The following ADAM12 variants were observed in gnomAD, a reference collection of about 807,000 sequenced individuals.
The protein encoded by ADAM12 is disintegrin and metalloproteinase domain-containing protein 12.
Under a neutral mutation model 106.4 loss-of-function variants are expected in ADAM12, and 70 were observed. That is an observed-to-expected ratio of 0.66 (90% CI 0.54 to 0.80). ADAM12 has a LOEUF of 0.80. ADAM12 is among the 30% of genes least tolerant of loss of function. ADAM12 has a pLI of 0.00. For synonymous variants in ADAM12, 420 were observed against 433.5 expected, an observed-to-expected ratio of 0.97 and a Z score of 0.39; for missense variants, 1,010 against 1,171.9, an observed-to-expected ratio of 0.86 and a Z score of 2.02.
chr10:126,252,182 CAATGGATGG>C (rs1958797618), intron 3 of ADAM12, among the ~76,000 whole-genome samples: 1 of 3,508 alleles, frequency 2.9e-4, no homozygotes, highest in African/African-American at 1.1e-3. Flanking sequence ...TGGATGGACT[CAATGGATGG>C]GATGGATGAG....
intron 2 of ADAM12, among the ~76,000 whole-genome samples, chr10:126,321,401 T>G (rs1346380812): frequency 6.6e-6 from 1 of 152,018 alleles, no homozygotes; most frequent in Non-Finnish European, 1.5e-5. Context: ...TAAAAACAAT[T>G]TAAAAGTATG....
intron 3 of ADAM12, among the ~76,000 whole-genome samples, chr10:126,228,539 C>T (rs1213079187): frequency 6.6e-6 from 1 of 152,116 alleles, no homozygotes; most frequent in Non-Finnish European, 1.5e-5. Context: ...AGAAAACATC[C>T]TACTCATAAG....
chr10:126,168,793 C>A (rs931283122), intron 3 of ADAM12, among the ~76,000 whole-genome samples: 8 of 152,108 alleles, frequency 5.3e-5, no homozygotes, highest in African/African-American at 1.7e-4. Flanking sequence ...GTGGCTCACA[C>A]GGGAATCCTA....
chr10:126,097,250 A>C (rs566393491), intron 10 of ADAM12, among the ~76,000 whole-genome samples: 12 of 152,220 alleles, frequency 7.9e-5, no homozygotes, highest in Non-Finnish European at 1.6e-4. Context: ...TGAACCTGGC[A>C]TCACAAAAAC....
At chr10:126,155,005 A>G (rs1956786937) in intron 4 of ADAM12, among the ~76,000 whole-genome samples, 1 of 152,194 alleles carries the variant, frequency 6.6e-6, no homozygotes, top group Non-Finnish European at 1.5e-5. Flanking sequence ...CAGCTCTGCC[A>G]TAAAGCCATT....
intron 1 of ADAM12, among the ~76,000 whole-genome samples, chr10:126,365,816 T>A (rs545433362): frequency 1.3e-5 from 2 of 152,258 alleles, no homozygotes; most frequent in East Asian, 1.9e-4. Context: ...CCAAACCATA[T>A]CAAGGAGCAC....
chr10:126,031,468 G>A (rs1206361023), intron 21 of ADAM12, among the ~76,000 whole-genome samples: 1 of 152,190 alleles, frequency 6.6e-6, no homozygotes, highest in Non-Finnish European at 1.5e-5. Flanking sequence ...GCACCTGACT[G>A]ATCTACAATC....
chr10:126,161,016 T>C (rs529755266), intron 3 of ADAM12, among the ~76,000 whole-genome samples: 1 of 152,346 alleles, frequency 6.6e-6, no homozygotes. Flanking sequence ...TGATCTCTTA[T>C]CTAAAGCAGC....
intron 21 of ADAM12, among the ~76,000 whole-genome samples, chr10:126,020,688 T>C (rs1425549699): frequency 6.6e-6 from 1 of 152,080 alleles, no homozygotes; most frequent in Non-Finnish European, 1.5e-5. Context: ...TAAAAATGTT[T>C]AGTAGAAATA....
chr10:126,050,889 G>A (rs74158094), intron 14 of ADAM12, among the ~76,000 whole-genome samples: 1 of 152,112 alleles, frequency 6.6e-6, no homozygotes, highest in African/African-American at 2.4e-5. Flanking sequence ...AGCCATGTTA[G>A]AGAAGCCTCT....
At chr10:126,302,672 T>C (rs1467767538) in intron 2 of ADAM12, among the ~76,000 whole-genome samples, 1 of 152,182 alleles carries the variant, frequency 6.6e-6, no homozygotes, top group Non-Finnish European at 1.5e-5. Flanking sequence ...TGTATTCAAT[T>C]GTTTTTTAAA....
chr10:126,174,632 G>C (rs1481583483), intron 3 of ADAM12, among the ~76,000 whole-genome samples: 2 of 152,046 alleles, frequency 1.3e-5, no homozygotes, highest in African/African-American at 4.8e-5. Context: ...ATGATTTTAG[G>C]ATATTCCATC....
At chr10:126,314,991 T>C (rs1853807372) in intron 2 of ADAM12, among the ~76,000 whole-genome samples, 2 of 152,248 alleles carry the variant, frequency 1.3e-5, no homozygotes, top group South Asian at 2.1e-4. Flanking sequence ...TCCTTCTCAT[T>C]TGGGCCTGAG....
At chr10:126,334,915 T>G (rs956964713) in intron 1 of ADAM12, among the ~76,000 whole-genome samples, 6 of 152,202 alleles carry the variant, frequency 3.9e-5, no homozygotes, top group African/African-American at 1.4e-4. Context: ...CTCCTCGATT[T>G]ATTTTCCTTT....
chr10:126,294,085 G>A (rs966417167), intron 2 of ADAM12, among the ~76,000 whole-genome samples: 3 of 152,128 alleles, frequency 2.0e-5, no homozygotes, highest in East Asian at 3.9e-4. Context: ...TGTGTTTTTG[G>A]ATCAACTGTA....
At chr10:126,286,561 C>T (rs781495407) in intron 2 of ADAM12, among the ~76,000 whole-genome samples, 12 of 152,132 alleles carry the variant, frequency 7.9e-5, no homozygotes, top group African/African-American at 1.7e-4. Context: ...TCACGGGGCA[C>T]GAGGGAGTCA....
intron 3 of ADAM12, among the ~76,000 whole-genome samples, chr10:126,199,256 G>C (rs531332976): frequency 6.6e-6 from 1 of 152,304 alleles, no homozygotes; most frequent in South Asian, 2.1e-4. Context: ...ACAATGACAG[G>C]AGGATGAGGC....
At chr10:126,035,842 A>ATTATTACTAGTCCCTCTGCTAT (rs1954050099) in intron 21 of ADAM12, among the ~76,000 whole-genome samples, 1 of 152,184 alleles carries the variant, frequency 6.6e-6, no homozygotes, top group Non-Finnish European at 1.5e-5. Context: ...TACAGGCCTA[A>ATTATTACTAGTCCCTCTGCTAT]TTATTACTAG....
intron 2 of ADAM12, among the ~76,000 whole-genome samples, chr10:126,315,097 T>C (rs1853810903): frequency 1.3e-5 from 2 of 152,230 alleles, no homozygotes; most frequent in Admixed American, 1.3e-4. Context: ...CAAGAGCTTC[T>C]TGAAAGGAGT....
Sources: allele counts gnomAD v4.1 joint callset (sites outside exome capture counted in the v4.1 genomes callset), GRCh38; gene constraint gnomAD v4.1.1; transcripts MANE v1.5; gene names NCBI Gene and HGNC (gene_info 2026-07-23, HGNC 2026-07-21).